ARK2N: variants seen among roughly 807,000 people sequenced by gnomAD.
The protein encoded by ARK2N is arkadia (RNF111) N-terminal like PKA signaling regulator 2N.
the ARK2N span, among the ~76,000 whole-genome samples, chr18:46,175,644 G>A: frequency 6.6e-6 from 1 of 151,220 alleles, no homozygotes; most frequent in Non-Finnish European, 1.5e-5. Context: ...CTGGGATTAC[G>A]GGCACGCGCC....
chr18:46,201,180 C>T, the ARK2N span, among the ~76,000 whole-genome samples: 7 of 151,918 alleles, frequency 4.6e-5, 1 homozygote, highest in African/African-American at 1.4e-4. Flanking sequence ...ATAGGATCTC[C>T]TTATATTGCC....
chr18:46,241,615 C>T, the ARK2N span, among the ~76,000 whole-genome samples: 62 of 150,530 alleles, frequency 4.1e-4, 1 homozygote, highest in Admixed American at 7.3e-4. Flanking sequence ...TGGTGGTGGG[C>T]GCCTGTAATC....
the ARK2N span, among the ~76,000 whole-genome samples, chr18:46,214,488 C>G: frequency 6.6e-6 from 1 of 152,108 alleles, no homozygotes; most frequent in African/African-American, 2.4e-5. Context: ...TGAATGATGT[C>G]CTTTAGTTAT....
At chr18:46,215,894 A>G in the ARK2N span, 2 of 1,611,534 alleles carry the variant, frequency 1.2e-6, no homozygotes, top group Non-Finnish European at 1.7e-6. Context: ...AAGATGGAGG[A>G]GGCAGTGGGA....
chr18:46,177,589 T>C, the ARK2N span, among the ~76,000 whole-genome samples: 1 of 151,960 alleles, frequency 6.6e-6, no homozygotes, highest in African/African-American at 2.4e-5. Context: ...CCACCACGCC[T>C]GACTAATTTT....
chr18:46,202,593 G>T, the ARK2N span, among the ~76,000 whole-genome samples: 1 of 152,044 alleles, frequency 6.6e-6, no homozygotes, highest in African/African-American at 2.4e-5. Context: ...TTTGAGACCA[G>T]CCTGACCAAC....
At chr18:46,216,872 A>G in the ARK2N span, 1 of 351,284 alleles carries the variant, frequency 2.8e-6, no homozygotes, top group Non-Finnish European at 5.3e-6. This position sits in a 1 kb window ranked among gnomAD's most constrained non-coding sequence, Gnocchi z 4.3. Flanking sequence ...TGTCTGTAAC[A>G]CATTACCTGA....
At chr18:46,183,746 T>A in the ARK2N span, among the ~76,000 whole-genome samples, 3 of 152,198 alleles carry the variant, frequency 2.0e-5, no homozygotes, top group Non-Finnish European at 4.4e-5. Context: ...CTGCATTGTC[T>A]ATGCTGCAGC....
the ARK2N span, among the ~76,000 whole-genome samples, chr18:46,215,311 C>T: frequency 6.6e-6 from 1 of 151,872 alleles, no homozygotes. Flanking sequence ...AGAGTAAGAC[C>T]CTGTCTCAAA....
the ARK2N span, among the ~76,000 whole-genome samples, chr18:46,196,915 T>G: frequency 6.6e-6 from 1 of 152,148 alleles, no homozygotes. Context: ...CCTCATGGAA[T>G]GGTGGCTGGT....
At chr18:46,216,413 A>G in the ARK2N span, 7 of 1,614,128 alleles carry the variant, frequency 4.3e-6, no homozygotes, top group Non-Finnish European at 5.9e-6. The surrounding 1 kb of genome is among the most constrained non-coding windows in gnomAD (Gnocchi z 4.3). Flanking sequence ...CGGAGCCAAA[A>G]GCACAAGGAG....
At chr18:46,195,373 A>G in the ARK2N span, among the ~76,000 whole-genome samples, 7 of 145,582 alleles carry the variant, frequency 4.8e-5, 1 homozygote, top group South Asian at 1.1e-3. Flanking sequence ...GGAGCAAGCA[A>G]TCCTGCCTCA....
the ARK2N span, among the ~76,000 whole-genome samples, chr18:46,231,566 CTTTTTTTTTTT>C: frequency 5.0e-5 from 5 of 100,782 alleles, no homozygotes; most frequent in African/African-American, 7.5e-5. Context: ...AGGTTTGGGG[CTTTTTTTTTTT>C]TTTTTTTTTT....
At chr18:46,235,699 A>G in the ARK2N span, among the ~76,000 whole-genome samples, 1 of 152,224 alleles carries the variant, frequency 6.6e-6, no homozygotes, top group East Asian at 1.9e-4. Flanking sequence ...GAGAACAATT[A>G]TAGTCTATTG....
chr18:46,204,877 A>G, the ARK2N span, among the ~76,000 whole-genome samples: 1 of 150,720 alleles, frequency 6.6e-6, no homozygotes, highest in East Asian at 2.0e-4. Flanking sequence ...AGGACGATAC[A>G]GTTTTAGTTT....
the ARK2N span, among the ~76,000 whole-genome samples, chr18:46,251,169 G>A: frequency 6.6e-5 from 10 of 152,180 alleles, no homozygotes; most frequent in East Asian, 1.9e-4. Context: ...AAAAGTTGAA[G>A]GCTATAAAGA....
chr18:46,197,127 C>A, the ARK2N span, among the ~76,000 whole-genome samples: 1 of 152,104 alleles, frequency 6.6e-6, no homozygotes, highest in South Asian at 2.1e-4. Flanking sequence ...AAGGGAGGAA[C>A]ATTAAAGAAT....
At chr18:46,204,283 A>C in the ARK2N span, among the ~76,000 whole-genome samples, 1 of 152,162 alleles carries the variant, frequency 6.6e-6, no homozygotes, top group African/African-American at 2.4e-5. Flanking sequence ...AAATTAGATA[A>C]ATAGCATAAG....
the ARK2N span, among the ~76,000 whole-genome samples, chr18:46,227,335 T>G: frequency 6.6e-6 from 1 of 152,218 alleles, no homozygotes; most frequent in Non-Finnish European, 1.5e-5. Context: ...GTCACCACTT[T>G]GTTTTAATTC....
Sources: allele counts gnomAD v4.1 joint callset (sites outside exome capture counted in the v4.1 genomes callset), GRCh38; gene constraint gnomAD v4.1.1; non-coding constraint Gnocchi (gnomAD v3.1); transcripts MANE v1.5; gene names NCBI Gene and HGNC (gene_info 2026-07-23, HGNC 2026-07-21).